Variants in RMP24 observed in about 807,000 individuals in gnomAD.
RMP24 encodes the protein ribonuclease MRP subunit p24, also known as ribonuclease MRP protein subunit p24.
At chr18:35,975,299 C>G in the RMP24 span, among the ~76,000 whole-genome samples, 4 of 152,270 alleles carry the variant, frequency 2.6e-5, no homozygotes, top group South Asian at 8.3e-4. Flanking sequence ...TTACCTAAAC[C>G]AAACATGGTG....
the RMP24 span, chr18:35,972,688 C>T: frequency 3.2e-6 from 5 of 1,571,168 alleles, no homozygotes; most frequent in South Asian, 4.6e-5. Flanking sequence ...CCTATTTTCT[C>T]ACCTGGTTCC....
At chr18:35,977,678 C>T in the RMP24 span, 53 of 1,419,438 alleles carry the variant, frequency 3.7e-5, no homozygotes, top group Non-Finnish European at 4.8e-5. Flanking sequence ...TATATACTCC[C>T]TAAATATGCC....
At chr18:35,975,168 T>C in the RMP24 span, 1 of 1,257,622 alleles carries the variant, frequency 8.0e-7, no homozygotes, top group Non-Finnish European at 1.1e-6. Flanking sequence ...AGTTTAAGAA[T>C]CAGCCTCAGT....
the RMP24 span, chr18:35,973,312 G>T: frequency 3.2e-6 from 1 of 314,826 alleles, no homozygotes; most frequent in East Asian, 6.9e-5. Flanking sequence ...CAATCTCATG[G>T]CTTTTAAATA....
At chr18:35,974,169 A>G in the RMP24 span, among the ~76,000 whole-genome samples, 2 of 152,104 alleles carry the variant, frequency 1.3e-5, no homozygotes, top group South Asian at 2.1e-4. Context: ...GGTCTCTATA[A>G]TATCACTCAA....
At chr18:35,978,839 C>T in the RMP24 span, 1 of 1,585,954 alleles carries the variant, frequency 6.3e-7, no homozygotes, top group Non-Finnish European at 8.5e-7. Context: ...TTTCAGAACA[C>T]CTACATCTGG....
At chr18:35,977,611 C>T in the RMP24 span, 1 of 1,601,786 alleles carries the variant, frequency 6.2e-7, no homozygotes, top group Non-Finnish European at 8.5e-7. Context: ...GTATCTTAAT[C>T]CATGAAGTTT....
chr18:35,978,479 C>T, the RMP24 span, among the ~76,000 whole-genome samples: 38 of 152,300 alleles, frequency 2.5e-4, 1 homozygote, highest in East Asian at 5.0e-3. Flanking sequence ...GGCGTAGCGG[C>T]GTGCGCCTGT....
chr18:35,972,834 C>A, the RMP24 span: 1 of 1,614,200 alleles, frequency 6.2e-7, no homozygotes, highest in Non-Finnish European at 8.5e-7. Flanking sequence ...AAGCGGGAGG[C>A]GAGCGGGTAG....
chr18:35,976,463 G>A, the RMP24 span, among the ~76,000 whole-genome samples: 1 of 152,094 alleles, frequency 6.6e-6, no homozygotes, highest in Non-Finnish European at 1.5e-5. Context: ...ATTTGCCGAG[G>A]CATGGGCTGA....
chr18:35,977,733 A>C, the RMP24 span: 1 of 807,664 alleles, frequency 1.2e-6, no homozygotes, highest in Non-Finnish European at 1.9e-6. Context: ...CCCTTTTCTA[A>C]TGTCACATAC....
At chr18:35,972,716 A>G in the RMP24 span, 15 of 1,602,508 alleles carry the variant, frequency 9.4e-6, no homozygotes, top group East Asian at 6.8e-5. Flanking sequence ...AGCCAGCGGC[A>G]GCGGCGGCGG....
the RMP24 span, chr18:35,977,633 G>T: frequency 6.3e-7 from 1 of 1,582,496 alleles, no homozygotes; most frequent in Non-Finnish European, 8.6e-7. Flanking sequence ...TGAATTGCCA[G>T]TGTTAAGTGT....
the RMP24 span, among the ~76,000 whole-genome samples, chr18:35,975,331 C>T: frequency 2.0e-5 from 3 of 152,162 alleles, no homozygotes; most frequent in African/African-American, 7.2e-5. Context: ...GTTTTGAGAT[C>T]CCATTGTTGA....
the RMP24 span, chr18:35,973,145 A>G: frequency 3.3e-6 from 2 of 606,996 alleles, no homozygotes; most frequent in South Asian, 2.0e-5. Flanking sequence ...CTTGGCTTCT[A>G]GGTCATTACG....
chr18:35,975,273 C>T, the RMP24 span, among the ~76,000 whole-genome samples: 41,063 of 152,056 alleles, frequency 0.27, 6,024 homozygotes, highest in African/African-American at 0.4. Flanking sequence ...GGACAGCTTA[C>T]TTTTATTTTT....
At chr18:35,975,196 A>C in the RMP24 span, 7 of 934,650 alleles carry the variant, frequency 7.5e-6, no homozygotes, top group South Asian at 1.2e-4. Context: ...AGAGATTTAT[A>C]GTAGTATATT....
the RMP24 span, chr18:35,974,753 T>C: frequency 1.3e-6 from 1 of 766,950 alleles, no homozygotes; most frequent in African/African-American, 1.8e-5. Flanking sequence ...CAATTTATCT[T>C]TTTGTAAATT....
chr18:35,979,077 A>AT, the RMP24 span: 2 of 1,407,912 alleles, frequency 1.4e-6, no homozygotes, highest in African/African-American at 2.9e-5. Context: ...CATTTTTTGA[A>AT]TACATGGAAA....
Sources: gnomAD v4.1 joint callset for allele counts (sites outside exome capture counted in the v4.1 genomes callset) on GRCh38, gnomAD v4.1.1 for gene constraint, MANE v1.5 for transcripts, NCBI Gene and HGNC (gene_info 2026-07-23, HGNC 2026-07-21) for gene names.